Variants in SH3BGR observed in about 807,000 individuals in gnomAD.
SH3BGR encodes SH3 domain binding glutamate rich protein, also known as SH3 domain-binding glutamic acid-rich protein.
SH3BGR carries 29 observed loss-of-function variants against 24.5 expected under a neutral mutation model. That is an observed-to-expected ratio of 1.18 (90% CI 0.88 to 1.61). The LOEUF is 1.61. Among genes scored for constraint, SH3BGR ranks in the 40% most tolerant of loss-of-function variants. SH3BGR has a pLI of 0.00. For synonymous variants in SH3BGR, 55 were observed against 65.7 expected (o/e 0.84, Z 0.79); for missense variants, 162 against 205.8 (o/e 0.79, Z 1.30).
intron 3 of SH3BGR, among the ~76,000 whole-genome samples, chr21:39,495,762 G>A (rs1003780829): frequency 2.6e-5 from 4 of 152,118 alleles, no homozygotes; most frequent in Non-Finnish European, 5.9e-5. Flanking sequence ...GATTACAGAT[G>A]TAAGCCATCA....
rs1259799805 is a variant in SH3BGR, at chr21:39,511,863, T to C, written c.*34+54T>C. 2 of 1,490,928 alleles carry C rather than the reference T, an allele frequency of 1.3e-6. No individual in the cohort carries two copies. Among genetic ancestry groups the C allele is most frequent in the Admixed American group, 2.3e-5 (1 of 42,572 alleles). 92.4% of individuals were successfully genotyped at this position (1,490,928 alleles called of 1,614,324 possible). ...CTGCTAGTTACCGTACTGTATGCTATCTGCGGCACATTTTGCTTAGTAACA... is the reference window on the plus strand; with the variant it reads ...CTGCTAGTTACCGTACTGTATGCTACCTGCGGCACATTTTGCTTAGTAACA... On this transcript the variant is annotated intron_variant, in intron 6 of 6. Coordinates refer to ENST00000333634, the MANE Select transcript of SH3BGR (RefSeq NM_007341.3). The surrounding 1 kb of genome is among the most constrained non-coding windows in gnomAD (Gnocchi z 4.2).
rs930473582 is a variant in SH3BGR, at chr21:39,507,570, T to G, written c.406-1428T>G. ...CTGGTCTCAAACTCCTGATCTCAGG[T>G]GATCTGCCCGCCTTGGCCTCCCAAA... On this transcript the variant is annotated intron_variant, in intron 4 of 6. Coordinates refer to ENST00000333634, the MANE Select transcript of SH3BGR (RefSeq NM_007341.3). Among the ~76,000 whole-genome samples the G allele has an allele frequency of 4.6e-5, 7 of 152,298 alleles. No homozygotes were observed. In the East Asian group the frequency reaches 1.4e-3, roughly 29 times the overall value.
chr21:39,462,778 G>T (rs1451078530), intron 2 of SH3BGR, among the ~76,000 whole-genome samples: 1 of 152,178 alleles, frequency 6.6e-6, no homozygotes, highest in Non-Finnish European at 1.5e-5. Context: ...CAGAAGTTTT[G>T]GGGATTATTT....
Position 39,481,780 on chromosome 21 carries a change from C to T in SH3BGR, c.312+6565C>T, listed in dbSNP as rs186673031. 1.7e-3 allele frequency among the ~76,000 whole-genome samples: 253 copies of T among 152,084 alleles called. 1 individual carries two copies. The highest frequency in any genetic ancestry group is 1.9e-3 in the Non-Finnish European group (129 of 67,998). ...AAACTTTTTGTTGTAGGTCAAATAT[C>T]GAATAAATGATAGAATTAGAAAAAT... On this transcript the variant is annotated intron_variant, in intron 3 of 6. Transcript: ENST00000333634.
At chr21:39,450,009 T>C (rs75313947), upstream of SH3BGR, among the ~76,000 whole-genome samples, 1,155 of 152,330 alleles carry the variant, frequency 7.6e-3, 6 homozygotes, top group Non-Finnish European at 0.012. Flanking sequence ...AAGAGATGCG[T>C]ATTCTCTAGA....
intron 2 of SH3BGR, among the ~76,000 whole-genome samples, chr21:39,467,964 C>T (rs999664034): frequency 1.3e-5 from 2 of 152,206 alleles, no homozygotes; most frequent in Non-Finnish European, 2.9e-5. Flanking sequence ...CCAGGCTCCC[C>T]GCCTGACAGA....
intron 1 of SH3BGR, among the ~76,000 whole-genome samples, chr21:39,461,462 T>A (rs1183173214): frequency 6.6e-6 from 1 of 152,122 alleles, no homozygotes; most frequent in East Asian, 1.9e-4. Context: ...TTGGCTTTTG[T>A]GATTCCAGAA....
At chr21:39,469,827 TG>T (rs1384067105) in intron 2 of SH3BGR, among the ~76,000 whole-genome samples, 1 of 151,916 alleles carries the variant, frequency 6.6e-6, no homozygotes, top group Non-Finnish European at 1.5e-5. Flanking sequence ...GTTAATTTTT[TG>T]TATTTTTAGT....
Position 39,515,158 on chromosome 21 carries a change from G to A in SH3BGR, c.*105G>A, listed in dbSNP as rs1428324465. The stretch of plus-strand genomic sequence containing the variant: ...CAAACTCAACAGAATACTTTGGCTT[G>A]AAGCCGGCACACCCAGGGTTACTGA... On this transcript the variant is annotated 3_prime_UTR_variant, in exon 7 of 7. Transcript: ENST00000333634. The A allele has an allele frequency of 4.3e-6, 2 of 469,394 alleles. No homozygotes were observed. The highest frequency in any genetic ancestry group is 7.0e-5 in the East Asian group (1 of 14,360). 29.1% of individuals were successfully genotyped at this position (469,394 alleles called of 1,614,324 possible).
intron 3 of SH3BGR, among the ~76,000 whole-genome samples, chr21:39,497,177 T>A (rs1047309572): frequency 2.0e-5 from 3 of 150,566 alleles, no homozygotes; most frequent in Non-Finnish European, 4.4e-5. Context: ...AATATTTTAA[T>A]TTTTATTTTC....
chr21:39,490,491 T>C (rs1025924643), intron 3 of SH3BGR, among the ~76,000 whole-genome samples: 1 of 152,238 alleles, frequency 6.6e-6, no homozygotes, highest in East Asian at 1.9e-4. Flanking sequence ...ATTCTTCTTG[T>C]ATTTTAAAAA....
Position 39,451,989 on chromosome 21 carries a change from G to C in SH3BGR, c.-108G>C. 1.2e-6 allele frequency: 2 copies of C among 1,614,184 alleles called. No individual in the cohort carries two copies. The highest frequency in any genetic ancestry group is 1.7e-6 in the Non-Finnish European group (2 of 1,180,014). ...GAGCCCAGTGGACCCCTGGGCTGCTGCCAGCCCCGACCTGGCACTTGCTTG... is the reference window on the plus strand; with the variant it reads ...GAGCCCAGTGGACCCCTGGGCTGCTCCCAGCCCCGACCTGGCACTTGCTTG... On this transcript the variant is annotated 5_prime_UTR_variant, in exon 1 of 7. Transcript: ENST00000333634.
intron 1 of SH3BGR, among the ~76,000 whole-genome samples, chr21:39,457,392 GTTATATATAAATC>G (rs1360183516): frequency 1.4e-5 from 2 of 139,318 alleles, no homozygotes; most frequent in Non-Finnish European, 3.1e-5. Flanking sequence ...ATATTATATA[GTTATATATAAATC>G]TTATATATAA....
rs572128429 is a variant in SH3BGR, at chr21:39,496,357, G to A, written c.313-3466G>A. On this transcript the variant is annotated intron_variant, in intron 3 of 6. Transcript: ENST00000333634. Reference sequence around the variant, plus strand: ...CTACTAAAAATACAAAAAATTAGCCGGGTGCGGTGGCGGGCACCTGTAGTC... The same window carrying A: ...CTACTAAAAATACAAAAAATTAGCCAGGTGCGGTGGCGGGCACCTGTAGTC... Among the ~76,000 whole-genome samples the A allele has an allele frequency of 1.2e-3, 184 of 151,848 alleles. 2 individuals carry two copies. The East Asian group carries it at 0.013, about 11-fold the overall frequency.
intron 1 of SH3BGR, among the ~76,000 whole-genome samples, chr21:39,452,520 A>G (rs576352623): frequency 3.3e-5 from 5 of 152,328 alleles, no homozygotes; most frequent in African/African-American, 1.2e-4. Context: ...TTTGTGTAAC[A>G]CTGTTTGGAG....
chr21:39,512,325 A>G (rs1409350049), intron 6 of SH3BGR, among the ~76,000 whole-genome samples: 1 of 152,166 alleles, frequency 6.6e-6, no homozygotes. Flanking sequence ...TTTAGTCGTC[A>G]GTGCTTGGTA....
chr21:39,471,477 C>G (rs1164708054), intron 2 of SH3BGR, among the ~76,000 whole-genome samples: 2 of 152,070 alleles, frequency 1.3e-5, no homozygotes, highest in South Asian at 2.1e-4. Flanking sequence ...TAGGTTTTCC[C>G]CTATAATCTG....
At chr21:39,487,026 C>T (rs1342589911) in intron 3 of SH3BGR, among the ~76,000 whole-genome samples, 2 of 152,302 alleles carry the variant, frequency 1.3e-5, no homozygotes, top group Middle Eastern at 6.8e-3. Flanking sequence ...CAATCAATGT[C>T]TTTTAGTACA....
intron 3 of SH3BGR, among the ~76,000 whole-genome samples, chr21:39,498,959 CTT>C (rs1261115384): frequency 6.6e-6 from 1 of 152,180 alleles, no homozygotes; most frequent in Non-Finnish European, 1.5e-5. Flanking sequence ...CCTCAGGAAA[CTT>C]AGTCATGGTG....
Sources: gnomAD v4.1 joint callset for allele counts (sites outside exome capture counted in the v4.1 genomes callset) on GRCh38, gnomAD v4.1.1 for gene constraint, Gnocchi (gnomAD v3.1) non-coding constraint, MANE v1.5 for transcripts, NCBI Gene and HGNC (gene_info 2026-07-23, HGNC 2026-07-21) for gene names.